Variants in INSL6 observed in about 807,000 individuals in gnomAD.
INSL6 encodes the protein insulin-like peptide INSL6.
Under a neutral mutation model 9.4 loss-of-function variants are expected in INSL6, and 16 were observed. The ratio of observed to expected loss-of-function variants is 1.70; its 90% CI spans 1.15 to 2.59. The LOEUF is 2.59. INSL6 is among the 30% of genes most tolerant of loss of function. INSL6 has a pLI of 0.00. For synonymous variants in INSL6, 154 were observed against 96.9 expected, an observed-to-expected ratio of 1.59 and a Z score of -3.46; for missense variants, 391 against 257.3, an observed-to-expected ratio of 1.52 and a Z score of -3.56.
chr9:5,064,364 T>A, the INSL6 span, among the ~76,000 whole-genome samples: 2 of 152,002 alleles, frequency 1.3e-5, no homozygotes, highest in Admixed American at 6.5e-5. Flanking sequence ...AACCTGTCTT[T>A]ACTAAAAATA....
chr9:5,087,749 A>C, the INSL6 span, among the ~76,000 whole-genome samples: 1 of 152,112 alleles, frequency 6.6e-6, no homozygotes, highest in Non-Finnish European at 1.5e-5. Context: ...CTTCTAATGC[A>C]GTGTGTATCA....
At chr9:5,055,423 T>C in the INSL6 span, among the ~76,000 whole-genome samples, 3 of 152,052 alleles carry the variant, frequency 2.0e-5, no homozygotes, top group East Asian at 1.9e-4. Context: ...GTTAATTGAA[T>C]TGAAGAGTGC....
At chr9:5,035,585 AAATCAATAAACG>A in the INSL6 span, among the ~76,000 whole-genome samples, 2 of 152,256 alleles carry the variant, frequency 1.3e-5, no homozygotes, top group Non-Finnish European at 2.9e-5. Flanking sequence ...CAACATATGC[AAATCAATAAACG>A]TAATCCAGCA....
the INSL6 span, among the ~76,000 whole-genome samples, chr9:5,064,567 A>G: frequency 6.6e-6 from 1 of 152,106 alleles, no homozygotes; most frequent in African/African-American, 2.4e-5. Context: ...CATGATTTCT[A>G]ATGTCAACTT....
the INSL6 span, among the ~76,000 whole-genome samples, chr9:5,034,412 C>G: frequency 3.9e-5 from 6 of 152,328 alleles, no homozygotes; most frequent in Admixed American, 1.3e-4. Flanking sequence ...CTACAGAACT[C>G]TCCACCCCAA....
At chr9:5,026,303 C>A in the INSL6 span, among the ~76,000 whole-genome samples, 1 of 151,956 alleles carries the variant, frequency 6.6e-6, no homozygotes, top group African/African-American at 2.4e-5. Context: ...ATGTATTTTT[C>A]CTTTGACTTC....
chr9:5,021,909 A>G, the INSL6 span: 1 of 1,025,562 alleles, frequency 9.8e-7, no homozygotes, highest in East Asian at 2.4e-5. Context: ...CTAGGATTAC[A>G]GGTGTGAGAC....
chr9:5,154,967 A>G (rs1454872442), intron 2 of INSL6, among the ~76,000 whole-genome samples: 3 of 152,194 alleles, frequency 2.0e-5, no homozygotes, highest in African/African-American at 7.2e-5. Flanking sequence ...CAGCCATCCC[A>G]TTACTGGGTA....
chr9:5,050,598 C>A, the INSL6 span: 1 of 1,358,158 alleles, frequency 7.4e-7, no homozygotes, highest in Non-Finnish European at 1.0e-6. Flanking sequence ...TGCATATGTT[C>A]TGAAAATTAT....
In INSL6 at chr9:5,185,299, G is replaced by C; in HGVS notation, c.289+15C>G. ...TACAGAGGTGAACAAACATGCCTTCGGTTTCGATTTTTACCTGGGTTTGTG... is the reference window on the plus strand; with the variant it reads ...TACAGAGGTGAACAAACATGCCTTCCGTTTCGATTTTTACCTGGGTTTGTG... On this transcript the variant is annotated intron_variant, in intron 1 of 1. Transcript: ENST00000381641. 6.2e-7 allele frequency: 1 copy of C among 1,613,932 alleles called. No individual in the cohort carries two copies. Among genetic ancestry groups the C allele is most frequent in the Non-Finnish European group, 8.5e-7 (1 of 1,179,968 alleles).
chr9:5,109,734 C>T, the INSL6 span: 2 of 152,170 alleles, frequency 1.3e-5, no homozygotes. Flanking sequence ...TAGACTACTT[C>T]TCCATAATAT....
the INSL6 span, chr9:5,055,615 A>G: frequency 7.2e-7 from 1 of 1,389,706 alleles, no homozygotes; most frequent in Non-Finnish European, 9.9e-7. Context: ...GTCTTGTTTT[A>G]AAATGGCTCT....
At chr9:5,130,725 TA>T (rs1208810911) in intron 3 of INSL6, among the ~76,000 whole-genome samples, 6 of 151,294 alleles carry the variant, frequency 4.0e-5, no homozygotes, top group African/African-American at 9.7e-5. Flanking sequence ...TTTTATTTTT[TA>T]TTTTTTTTTT....
intron 3 of INSL6, among the ~76,000 whole-genome samples, chr9:5,130,055 T>C (rs551094527): frequency 2.3e-4 from 35 of 152,318 alleles, no homozygotes; most frequent in Non-Finnish European, 3.2e-4. Flanking sequence ...AAAAGCCTTA[T>C]CTCCAACTGA....
chr9:5,007,616 T>C, the INSL6 span, among the ~76,000 whole-genome samples: 1 of 151,806 alleles, frequency 6.6e-6, no homozygotes, highest in African/African-American at 2.4e-5. Context: ...TATACTTTTA[T>C]TAGGTTGACG....
At chr9:5,073,691 T>G in the INSL6 span, 9 of 1,600,928 alleles carry the variant, frequency 5.6e-6, no homozygotes, top group Non-Finnish European at 7.7e-6. Flanking sequence ...CTTTTTTTTT[T>G]CCTTAGTCTT....
the INSL6 span, among the ~76,000 whole-genome samples, chr9:5,088,928 A>T: frequency 6.6e-6 from 1 of 152,188 alleles, no homozygotes; most frequent in Non-Finnish European, 1.5e-5. Context: ...TCATTATATA[A>T]ATTTTGGGTA....
At chr9:5,051,611 G>A in the INSL6 span, among the ~76,000 whole-genome samples, 1 of 152,044 alleles carries the variant, frequency 6.6e-6, no homozygotes, top group Non-Finnish European at 1.5e-5. Context: ...GACAATCATG[G>A]CTAATATAAA....
downstream of INSL6, among the ~76,000 whole-genome samples, chr9:5,162,710 C>T (rs12003883): frequency 0.12 from 17,657 of 152,180 alleles, 3,213 homozygotes; most frequent in African/African-American, 0.39. Flanking sequence ...TGATTAAAAA[C>T]ATTCAAAAAT....
Sources: gnomAD v4.1 joint callset for allele counts (sites outside exome capture counted in the v4.1 genomes callset) on GRCh38, gnomAD v4.1.1 for gene constraint, MANE v1.5 for transcripts, NCBI Gene and HGNC (gene_info 2026-07-23, HGNC 2026-07-21) for gene names.